GALNTL6: variants seen among roughly 807,000 people sequenced by gnomAD.
GALNTL6 encodes the protein polypeptide N-acetylgalactosaminyltransferase-like 6.
Under a neutral mutation model 73.7 loss-of-function variants are expected in GALNTL6, and 46 were observed. The ratio of observed to expected loss-of-function variants is 0.62; its 90% CI spans 0.49 to 0.80. The LOEUF is 0.80. Ranked by LOEUF, GALNTL6 falls within the 30% of genes least tolerant of loss-of-function variation. The pLI is 0.00. For missense variants in GALNTL6, 604 were observed against 755.0 expected, an observed-to-expected ratio of 0.80 and a Z score of 2.34; for synonymous variants, 259 against 263.7, an observed-to-expected ratio of 0.98 and a Z score of 0.17.
At chr4:172,810,341 C>T (rs1040894708) in intron 6 of GALNTL6, among the ~76,000 whole-genome samples, 4 of 152,098 alleles carry the variant, frequency 2.6e-5, no homozygotes, top group African/African-American at 9.7e-5. Context: ...ATATAAAGTC[C>T]AGTTGTAGAT....
chr4:172,198,053 G>C (rs1251055393), intron 2 of GALNTL6, among the ~76,000 whole-genome samples: 1 of 152,114 alleles, frequency 6.6e-6, no homozygotes, highest in African/African-American at 2.4e-5. Flanking sequence ...GGAGCTTGCA[G>C]TGAGCCAAGA....
intron 5 of GALNTL6, among the ~76,000 whole-genome samples, chr4:172,445,426 G>A (rs336016): frequency 0.87 from 131,887 of 152,216 alleles, 57,181 homozygotes; most frequent in South Asian, 0.89. Context: ...CATGTTTTGC[G>A]CTTCCCAAAA....
At chr4:171,894,941 T>C (rs1736867530) in intron 2 of GALNTL6, among the ~76,000 whole-genome samples, 3 of 152,098 alleles carry the variant, frequency 2.0e-5, no homozygotes, top group African/African-American at 2.4e-5. Context: ...AGAAATCACA[T>C]GACTAAATGA....
At chr4:172,465,787 G>A (rs1732791104) in intron 5 of GALNTL6, among the ~76,000 whole-genome samples, 1 of 152,098 alleles carries the variant, frequency 6.6e-6, no homozygotes, top group Non-Finnish European at 1.5e-5. Context: ...ACAACCCAGG[G>A]TAATAATACA....
chr4:172,904,484 G>A (rs577446197), intron 8 of GALNTL6, among the ~76,000 whole-genome samples: 1 of 152,292 alleles, frequency 6.6e-6, no homozygotes, highest in African/African-American at 2.4e-5. Flanking sequence ...TGTCTCTTCT[G>A]GTTCTTGTCC....
intron 5 of GALNTL6, among the ~76,000 whole-genome samples, chr4:172,444,542 C>T (rs1731950757): frequency 6.6e-6 from 1 of 152,122 alleles, no homozygotes; most frequent in Non-Finnish European, 1.5e-5. Context: ...ACTTCCATGC[C>T]TCAGACCTTG....
At chr4:172,401,138 T>G (rs532609330) in intron 5 of GALNTL6, among the ~76,000 whole-genome samples, 55 of 152,100 alleles carry the variant, frequency 3.6e-4, no homozygotes, top group Non-Finnish European at 6.6e-4. Flanking sequence ...TTAATGTCCT[T>G]TCATTTGTGT....
chr4:171,949,227 G>A (rs368855297), intron 2 of GALNTL6, among the ~76,000 whole-genome samples: 1 of 152,246 alleles, frequency 6.6e-6, no homozygotes, highest in South Asian at 2.1e-4. Context: ...CCAAAGGACT[G>A]TGTCATCAGT....
At chr4:172,841,649 G>A (rs543300582) in intron 7 of GALNTL6, among the ~76,000 whole-genome samples, 1 of 152,264 alleles carries the variant, frequency 6.6e-6, no homozygotes, top group East Asian at 1.9e-4. Context: ...GAGTGTGTGA[G>A]TGCACAGGAA....
chr4:172,539,665 T>TC (rs1735476734), intron 5 of GALNTL6, among the ~76,000 whole-genome samples: 1 of 151,956 alleles, frequency 6.6e-6, no homozygotes, highest in Non-Finnish European at 1.5e-5. Context: ...TGTTAGGAAA[T>TC]CAGACCTTTC....
chr4:172,878,272 A>T (rs540248456), intron 7 of GALNTL6, among the ~76,000 whole-genome samples: 31 of 152,030 alleles, frequency 2.0e-4, no homozygotes, highest in African/African-American at 7.5e-4. Flanking sequence ...TGCATAATAC[A>T]TCACAATTTA....
intron 2 of GALNTL6, among the ~76,000 whole-genome samples, chr4:171,934,520 T>C (rs902222957): frequency 1.3e-5 from 2 of 152,144 alleles, no homozygotes; most frequent in Admixed American, 1.3e-4. Context: ...CTCATGTGAT[T>C]CTCTCACGTC....
intron 4 of GALNTL6, among the ~76,000 whole-genome samples, chr4:172,342,645 T>C (rs1451087054): frequency 6.6e-6 from 1 of 152,244 alleles, no homozygotes; most frequent in East Asian, 1.9e-4. Flanking sequence ...ATATTCTGTT[T>C]TTCATCTGTG....
intron 5 of GALNTL6, among the ~76,000 whole-genome samples, chr4:172,623,012 T>G (rs975683265): frequency 6.6e-6 from 1 of 152,124 alleles, no homozygotes; most frequent in Admixed American, 6.6e-5. Context: ...GATAATGATG[T>G]AAACACTAAG....
chr4:172,132,431 A>G, intron 2 of GALNTL6, among the ~76,000 whole-genome samples: 1 of 152,136 alleles, frequency 6.6e-6, no homozygotes, highest in East Asian at 1.9e-4. Flanking sequence ...CAACTCTGAG[A>G]TTGGAAATAC....
intron 5 of GALNTL6, among the ~76,000 whole-genome samples, chr4:172,404,869 A>G (rs1015486120): frequency 6.6e-6 from 1 of 152,062 alleles, no homozygotes; most frequent in Non-Finnish European, 1.5e-5. Flanking sequence ...CTAATTACAA[A>G]CAGCAGTGTT....
chr4:172,405,568 G>T (rs1009770822), intron 5 of GALNTL6, among the ~76,000 whole-genome samples: 1 of 150,732 alleles, frequency 6.6e-6, no homozygotes, highest in Non-Finnish European at 1.5e-5. Context: ...ACATCCTAAT[G>T]TCTAGGGTTT....
chr4:172,720,409 T>C (rs1735396482), intron 5 of GALNTL6, among the ~76,000 whole-genome samples: 3 of 152,178 alleles, frequency 2.0e-5, no homozygotes, highest in Non-Finnish European at 4.4e-5. Context: ...GGCTCCTCAC[T>C]GCTGCAAACA....
intron 5 of GALNTL6, among the ~76,000 whole-genome samples, chr4:172,528,977 T>G (rs2604455): frequency 1.5e-4 from 1 of 6,588 alleles, no homozygotes; most frequent in African/African-American, 2.8e-4. Flanking sequence ...GTGTGTATAT[T>G]TATACATATG....
Sources: gnomAD v4.1 joint callset for allele counts (sites outside exome capture counted in the v4.1 genomes callset) on GRCh38, gnomAD v4.1.1 for gene constraint, MANE v1.5 for transcripts, NCBI Gene and HGNC (gene_info 2026-07-23, HGNC 2026-07-21) for gene names.